Variants in SHC4 observed in about 807,000 individuals in gnomAD.
The protein encoded by SHC4 is SHC-transforming protein 4.
SHC4 carries 41 observed loss-of-function variants against 69.4 expected under a neutral mutation model. The observed-to-expected ratio is 0.59, with a 90% CI of 0.46 to 0.77. The LOEUF (loss-of-function observed/expected upper bound fraction) is 0.77. Among genes scored for constraint, SHC4 ranks in the 30% least tolerant of loss-of-function variants. SHC4 has a pLI of 0.00. For missense variants in SHC4, 777 were observed against 783.8 expected (o/e 0.99, Z 0.10); for synonymous variants, 318 against 299.3 (o/e 1.06, Z -0.64).
intron 2 of SHC4, among the ~76,000 whole-genome samples, chr15:48,924,230 C>T (rs917007314): frequency 2.6e-5 from 4 of 152,114 alleles, no homozygotes; most frequent in East Asian, 3.9e-4. Context: ...CACCTCATCT[C>T]CCTCACTTCA....
intron 2 of SHC4, among the ~76,000 whole-genome samples, chr15:48,897,867 A>AAG (rs1314963287): frequency 2.0e-5 from 3 of 152,156 alleles, no homozygotes; most frequent in Non-Finnish European, 4.4e-5. Flanking sequence ...TAATCACAGC[A>AAG]AGAGCCTTTC....
intron 2 of SHC4, among the ~76,000 whole-genome samples, chr15:48,912,941 T>C (rs986123844): frequency 6.7e-5 from 10 of 150,228 alleles, no homozygotes; most frequent in African/African-American, 2.2e-4. Context: ...CGATGTGAAC[T>C]GTCTATGGGT....
rs1001731 is a variant in SHC4 at position 48,919,770 on chromosome 15, A to T, written c.656+5109T>A. On this transcript the variant is annotated intron_variant, in intron 2 of 11. Transcript: ENST00000332408. Reference sequence around the variant, plus strand: ...TTAGATAGGACTTCCTGACCACCAGATCTAAAAGTAAAAGACCATCACACT... The same window carrying T: ...TTAGATAGGACTTCCTGACCACCAGTTCTAAAAGTAAAAGACCATCACACT... Among the ~76,000 whole-genome samples the T allele has an allele frequency of 4.6e-3, 699 of 152,188 alleles. 10 individuals are homozygous for T. The highest frequency in any genetic ancestry group is 0.017 in the African/African-American group (685 of 41,508).
At chr15:48,915,882 C>A (rs1338588908) in intron 2 of SHC4, among the ~76,000 whole-genome samples, 2 of 152,122 alleles carry the variant, frequency 1.3e-5, no homozygotes, top group African/African-American at 4.8e-5. Flanking sequence ...GGAATGTTCC[C>A]TTGTCTGCTA....
In SHC4 at chr15:48,963,343, G is replaced by C; in HGVS notation, c.-328C>G. 1 of 293,588 alleles carries C rather than the reference G, an allele frequency of 3.4e-6. No individual in the cohort carries two copies. The allele number at this position is 293,588 out of a possible 1,614,324, so 18.2% of individuals were successfully genotyped here. A position where few individuals can be genotyped will look rare whatever the true frequency, so the allele number is the denominator to read the frequency against. ...CGGCCAACTCTTAGGCGCAGAACCC[G>C]GGCGAGCGCCGGTCGGGGGGCCCGC... On this transcript the variant is annotated 5_prime_UTR_variant, in exon 1 of 12. Coordinates refer to ENST00000332408, the MANE Select transcript of SHC4 (RefSeq NM_203349.4).
At chr15:48,857,949 A>G (rs1899361733) in intron 6 of SHC4, 134 bp from the exon 7 acceptor site, 1 of 565,374 alleles carries the variant, frequency 1.8e-6, no homozygotes, top group South Asian at 7.2e-5. Flanking sequence ...CTCTGCAGCC[A>G]TGAAATGATA....
chr15:48,842,094 A>G (rs1251384400), intron 10 of SHC4, among the ~76,000 whole-genome samples: 1 of 152,214 alleles, frequency 6.6e-6, no homozygotes, highest in South Asian at 2.1e-4. Flanking sequence ...AACAACTTCA[A>G]TATTTTATGA....
chr15:48,945,919 G>A (rs181171210), intron 1 of SHC4: 1 of 152,190 alleles, frequency 6.6e-6, no homozygotes, highest in East Asian at 1.9e-4. Context: ...AAAAAAACCT[G>A]ACATTTACCT....
intron 1 of SHC4, among the ~76,000 whole-genome samples, chr15:48,942,319 G>A (rs78129141): frequency 3.2e-4 from 49 of 152,134 alleles, no homozygotes; most frequent in Non-Finnish European, 6.9e-4. Context: ...ATAGAAATTT[G>A]CTAAGCTATT....
chr15:48,865,370 T>A (rs145406408), intron 6 of SHC4, among the ~76,000 whole-genome samples: 202 of 152,062 alleles, frequency 1.3e-3, no homozygotes, highest in African/African-American at 4.6e-3. Flanking sequence ...AACGAGGAGA[T>A]CAGAAAAGGA....
intron 2 of SHC4, among the ~76,000 whole-genome samples, chr15:48,894,006 C>G (rs1486774271): frequency 1.3e-5 from 2 of 152,190 alleles, no homozygotes; most frequent in Non-Finnish European, 2.9e-5. Flanking sequence ...TGGGGAGAAG[C>G]CTGTATTGGG....
rs192391074 is a variant in SHC4, at chr15:48,908,536, C to A, written c.656+16343G>T. On this transcript the variant is annotated intron_variant, in intron 2 of 11. Coordinates refer to ENST00000332408, the MANE Select transcript of SHC4 (RefSeq NM_203349.4). ...TCTGCTGACTGTTCCTTTTGCCATG[C>A]GAAAGCTCTTTAGTTTAATTAGGTC... Among the ~76,000 whole-genome samples the A allele has an allele frequency of 4.3e-4, 66 of 152,250 alleles. 1 individual carries two copies. Among genetic ancestry groups the A allele is most frequent in the African/African-American group, 1.6e-3 (65 of 41,538 alleles).
Position 48,846,736 on chromosome 15 carries a change from T to C in SHC4, c.1304-3148A>G, listed in dbSNP as rs1254228025. Among the ~76,000 whole-genome samples, 3 of 152,132 alleles carry C rather than the reference T, an allele frequency of 2.0e-5. No homozygotes were observed. The East Asian group carries it at 5.8e-4, about 29-fold the overall frequency. ...ATGAAGCAGGTGCTCAAAAGAAAAA[T>C]GTTTATCAGCTGATTGGACAAATAT... On this transcript the variant is annotated intron_variant, in intron 9 of 11. Transcript: ENST00000332408.
intron 11 of SHC4, among the ~76,000 whole-genome samples, chr15:48,831,273 C>G (rs768731531): frequency 6.6e-6 from 1 of 151,888 alleles, no homozygotes; most frequent in African/African-American, 2.4e-5. Context: ...AAAAAATAAA[C>G]TTAGTGTGGT....
intron 2 of SHC4, among the ~76,000 whole-genome samples, chr15:48,909,923 T>A (rs12441050): frequency 0.14 from 21,842 of 152,066 alleles, 1,625 homozygotes; most frequent in East Asian, 0.17. Flanking sequence ...CATGGTGGAT[T>A]ATCTTTTTTG....
chr15:48,886,384 TA>T (rs1263962508), intron 3 of SHC4, among the ~76,000 whole-genome samples: 1 of 152,182 alleles, frequency 6.6e-6, no homozygotes, highest in Non-Finnish European at 1.5e-5. Flanking sequence ...ACCATAACCT[TA>T]ATCTCGTGAG....
intron 2 of SHC4, among the ~76,000 whole-genome samples, chr15:48,907,213 CTT>C (rs1218175781): frequency 1.4e-5 from 2 of 143,410 alleles, no homozygotes; most frequent in African/African-American, 2.6e-5. Flanking sequence ...TGATTTCTTT[CTT>C]TTTTTTTTTT....
At chr15:48,953,802 C>A (rs531971332) in intron 1 of SHC4, among the ~76,000 whole-genome samples, 1 of 152,310 alleles carries the variant, frequency 6.6e-6, no homozygotes, top group East Asian at 1.9e-4. Flanking sequence ...ATGTGGACAT[C>A]CTTGATGTAC....
chr15:48,871,197 A>T (rs75389854), intron 5 of SHC4, among the ~76,000 whole-genome samples: 6,715 of 152,294 alleles, frequency 0.044, 301 homozygotes, highest in East Asian at 0.22. Flanking sequence ...AAAAGAAGGT[A>T]ATACATTCTG....
Sources: allele counts gnomAD v4.1 joint callset (sites outside exome capture counted in the v4.1 genomes callset), GRCh38; gene constraint gnomAD v4.1.1; transcripts MANE v1.5; gene names NCBI Gene and HGNC (gene_info 2026-07-23, HGNC 2026-07-21).